Variants in SMURF1 observed in about 807,000 individuals in gnomAD.
The protein encoded by SMURF1 is E3 ubiquitin-protein ligase SMURF1.
A neutral mutation model predicts 98.0 loss-of-function variants in SMURF1; 44 were observed. The ratio of observed to expected loss-of-function variants is 0.45; its 90% CI spans 0.35 to 0.58. SMURF1 has a LOEUF of 0.58. Among genes scored for constraint, SMURF1 ranks in the 20% least tolerant of loss-of-function variants. SMURF1 has a pLI of 0.00. For missense variants in SMURF1, 687 were observed against 938.4 expected, an observed-to-expected ratio of 0.73 and a Z score of 3.50; for synonymous variants, 396 against 374.9, an observed-to-expected ratio of 1.06 and a Z score of -0.65.
intron 1 of SMURF1, 117 bp from the exon 2 acceptor site, chr7:99,061,954 C>A: frequency 4.3e-6 from 3 of 701,124 alleles, no homozygotes; most frequent in Non-Finnish European, 6.9e-6. Context: ...GAAGATTTGA[C>A]TTTCAAATCT....
intron 1 of SMURF1, among the ~76,000 whole-genome samples, chr7:99,106,033 T>C (rs1422328679): frequency 1.3e-5 from 2 of 152,168 alleles, no homozygotes; most frequent in Non-Finnish European, 2.9e-5. Context: ...CTTCCTCAAA[T>C]CCCTCCAGCT....
chr7:99,071,847 G>A (rs1210449882), intron 1 of SMURF1, among the ~76,000 whole-genome samples: 1 of 152,032 alleles, frequency 6.6e-6, no homozygotes, highest in East Asian at 1.9e-4. Context: ...GCTGAGGCAG[G>A]AAGATTCCTT....
chr7:99,099,075 C>A (rs1329739229), intron 1 of SMURF1, among the ~76,000 whole-genome samples: 2 of 152,110 alleles, frequency 1.3e-5, no homozygotes, highest in Non-Finnish European at 2.9e-5. Flanking sequence ...AGAATGCATT[C>A]AGGGAAATGT....
At chr7:99,071,681 G>A (rs1341333566) in intron 1 of SMURF1, among the ~76,000 whole-genome samples, 1 of 152,140 alleles carries the variant, frequency 6.6e-6, no homozygotes, top group Non-Finnish European at 1.5e-5. Context: ...GCTTTGGAAG[G>A]TAAGAAAAGT....
chr7:99,041,864 G>C (rs1236953697), intron 12 of SMURF1, among the ~76,000 whole-genome samples: 2 of 152,202 alleles, frequency 1.3e-5, no homozygotes, highest in Admixed American at 6.5e-5. Flanking sequence ...TGATCACAAA[G>C]TGTGAGTGTA....
Position 99,049,603 on chromosome 7 carries a change from T to C in SMURF1, c.913A>G (p.Thr305Ala), listed in dbSNP as rs1163530281. Residue 305 changes from threonine (T) to alanine (A), a missense_variant, in exon 9 of 18, where the codon ACA becomes GCA. Transcript: ENST00000361368. ...AACCTTGGGTCTGTAAACTGGGTTG[T>C]TCGGTTATTATGATCTACAAAATAT... The part of the protein sequence containing the change: ...RIYFVDHNNR[T>A]TQFTDPRLHH... The C allele has an allele frequency of 1.2e-6, 2 of 1,614,214 alleles. No individual in the cohort carries two copies. The highest frequency in any genetic ancestry group is 1.6e-4 in the Middle Eastern group (1 of 6,062).
At chr7:99,045,882 G>T in intron 10 of SMURF1, 81 bp from the exon 11 acceptor site, 1 of 1,066,304 alleles carries the variant, frequency 9.4e-7, no homozygotes, top group South Asian at 1.3e-5. Flanking sequence ...ATGGAGCCCG[G>T]TTAAGAACAC....
intron 1 of SMURF1, among the ~76,000 whole-genome samples, chr7:99,130,398 A>C (rs1015507040): frequency 6.6e-6 from 1 of 152,236 alleles, no homozygotes; most frequent in Non-Finnish European, 1.5e-5. Flanking sequence ...GATTGCAGTG[A>C]GCTAAGATCA....
chr7:99,132,240 C>T (rs1433902875), intron 1 of SMURF1, among the ~76,000 whole-genome samples: 1 of 152,126 alleles, frequency 6.6e-6, no homozygotes, highest in Non-Finnish European at 1.5e-5. Context: ...TGGCTATGAA[C>T]GCAATGCTGC....
At chr7:99,115,997 C>T (rs1012826415) in intron 1 of SMURF1, among the ~76,000 whole-genome samples, 1 of 152,028 alleles carries the variant, frequency 6.6e-6, no homozygotes, top group East Asian at 1.9e-4. Context: ...AAAGATGTTA[C>T]AGACCAATAT....
intron 1 of SMURF1, among the ~76,000 whole-genome samples, chr7:99,120,050 T>C (rs1398079047): frequency 6.6e-6 from 1 of 152,164 alleles, no homozygotes; most frequent in Non-Finnish European, 1.5e-5. Context: ...GTTGGTGCCA[T>C]CCCCATGGTA....
chr7:99,123,490 C>T (rs143687487), intron 1 of SMURF1, among the ~76,000 whole-genome samples: 2 of 152,232 alleles, frequency 1.3e-5, no homozygotes, highest in East Asian at 1.9e-4. Flanking sequence ...GCTATGATTG[C>T]ACCGCTGCAC....
intron 1 of SMURF1, among the ~76,000 whole-genome samples, chr7:99,088,123 T>C (rs941841722): frequency 8.6e-5 from 13 of 151,778 alleles, no homozygotes; most frequent in African/African-American, 2.9e-4. Context: ...CCAAGCATGG[T>C]GGCAGGCGCC....
In SMURF1 at chr7:99,049,722, A is replaced by G; in HGVS notation, c.807-13T>C. The stretch of plus-strand genomic sequence containing the variant: ...ACTGTTAAGGTCTCTACCAAAATGG[A>G]AGATACAGAGAGGTTTGTCCAACTG... On this transcript the variant is annotated splice_polypyrimidine_tract_variant and intron_variant, in intron 8 of 17. Transcript: ENST00000361368. 6.2e-7 allele frequency: 1 copy of G among 1,611,330 alleles called. No individual in the cohort carries two copies.
intron 1 of SMURF1, among the ~76,000 whole-genome samples, chr7:99,084,069 G>C (rs918326686): frequency 6.6e-6 from 1 of 152,158 alleles, no homozygotes. Flanking sequence ...CAGATTACTT[G>C]TCCAAGACTG....
At chr7:99,063,777 A>AC (rs1384283338) in intron 1 of SMURF1, among the ~76,000 whole-genome samples, 1 of 121,576 alleles carries the variant, frequency 8.2e-6, no homozygotes, top group East Asian at 2.4e-4. Flanking sequence ...TTATCAATAT[A>AC]CTTTTTTTTT....
At chr7:99,040,285 ACACACACACGCGCGCGCG>A in intron 13 of SMURF1, 75 bp downstream of exon 13, 4 of 1,234,474 alleles carry the variant, frequency 3.2e-6, no homozygotes, top group South Asian at 5.0e-5. Context: ...TCCCCAAAAT[ACACACACACGCGCGCGCG>A]CGCGCACGCG....
intron 16 of SMURF1, among the ~76,000 whole-genome samples, chr7:99,034,245 ACAGCAC>A: frequency 6.6e-6 from 1 of 152,294 alleles, no homozygotes; most frequent in Admixed American, 6.5e-5. Context: ...GTGCCCTCCC[ACAGCAC>A]CAGCACTCCC....
At chr7:99,063,463 C>CT (rs1271339796) in intron 1 of SMURF1, among the ~76,000 whole-genome samples, 1 of 149,622 alleles carries the variant, frequency 6.7e-6, no homozygotes, top group Non-Finnish European at 1.5e-5. Flanking sequence ...CAACTAACTT[C>CT]TTTTTTTAAA....
Sources: allele counts gnomAD v4.1 joint callset (sites outside exome capture counted in the v4.1 genomes callset), GRCh38; gene constraint gnomAD v4.1.1; transcripts MANE v1.5; gene names NCBI Gene and HGNC (gene_info 2026-07-23, HGNC 2026-07-21).